SCAPER: variants seen among roughly 807,000 people sequenced by gnomAD.
SCAPER encodes S phase cyclin A-associated protein in the endoplasmic reticulum.
In SCAPER, 98 loss-of-function variants were observed where a neutral mutation model predicts 182.2. The observed-to-expected ratio is 0.54, with a 90% CI of 0.46 to 0.64. The LOEUF is 0.64. Among genes scored for constraint, SCAPER ranks in the 30% least tolerant of loss-of-function variants. SCAPER has a pLI of 0.00. For synonymous variants in SCAPER, 605 were observed against 564.6 expected, an observed-to-expected ratio of 1.07 and a Z score of -1.01; for missense variants, 1,432 against 1,690.0, an observed-to-expected ratio of 0.85 and a Z score of 2.68.
At chr15:76,701,042 A>T (rs2058914050) in intron 20 of SCAPER, among the ~76,000 whole-genome samples, 1 of 151,698 alleles carries the variant, frequency 6.6e-6, no homozygotes, top group Non-Finnish European at 1.5e-5. Context: ...ATATGTAAAA[A>T]TTCATCAGCT....
At chr15:76,697,462 T>C (rs1312237714) in intron 20 of SCAPER, among the ~76,000 whole-genome samples, 1 of 152,230 alleles carries the variant, frequency 6.6e-6, no homozygotes, top group East Asian at 1.9e-4. Context: ...TAGATAATAT[T>C]GCACATTTTT....
intron 22 of SCAPER, among the ~76,000 whole-genome samples, chr15:76,579,039 G>A (rs1423000123): frequency 6.6e-6 from 1 of 152,048 alleles, no homozygotes; most frequent in Non-Finnish European, 1.5e-5. Flanking sequence ...GGCTGAGGCG[G>A]GCAGATCACA....
chr15:76,424,734 A>T (rs1382527440), intron 26 of SCAPER, among the ~76,000 whole-genome samples: 1 of 152,142 alleles, frequency 6.6e-6, no homozygotes, highest in Non-Finnish European at 1.5e-5. Flanking sequence ...ACAATTTGGC[A>T]TGTTTTTGCA....
At chr15:76,369,276 T>G (rs139654708) in intron 29 of SCAPER, among the ~76,000 whole-genome samples, 1 of 152,354 alleles carries the variant, frequency 6.6e-6, no homozygotes, top group East Asian at 1.9e-4. Context: ...TATGATGCCC[T>G]GTGGACAAAT....
At chr15:76,844,987 T>C (rs549706279) in intron 4 of SCAPER, among the ~76,000 whole-genome samples, 1 of 152,172 alleles carries the variant, frequency 6.6e-6, no homozygotes, top group East Asian at 1.9e-4. Context: ...AAACTGAACA[T>C]GTTCAACATT....
rs71143333 is a variant in SCAPER at position 76,488,714 on chromosome 15, C to CTTTT, written c.2954+16141_2954+16144dup. 1.3e-3 allele frequency among the ~76,000 whole-genome samples: 118 copies of CTTTT among 93,122 alleles called. 19 individuals carry two copies. Among genetic ancestry groups the CTTTT allele is most frequent in the African/African-American group, 3.3e-3 (70 of 20,938 alleles). The allele number at this position is 93,122 out of a possible 152,430, so 61.1% of individuals were successfully genotyped here. On this transcript the variant is annotated intron_variant, in intron 24 of 31. Transcript: ENST00000563290. ...TTGCATCCTGATAACAGTACACTGC[C>CTTTT]TTTTTTTTTTTTTTTTTTTTTTTTT...
At chr15:76,691,243 A>T (rs2058341911) in intron 20 of SCAPER, among the ~76,000 whole-genome samples, 2 of 152,076 alleles carry the variant, frequency 1.3e-5, no homozygotes. Context: ...AAAAATTATT[A>T]AAATTAAATT....
At chr15:76,385,861 T>G (rs1236670241) in intron 27 of SCAPER, among the ~76,000 whole-genome samples, 1 of 152,174 alleles carries the variant, frequency 6.6e-6, no homozygotes, top group African/African-American at 2.4e-5. Context: ...GTGTATCAGT[T>G]TCCTATTGCT....
rs745555401 is a variant in SCAPER at position 76,530,373 on chromosome 15, A to T, written c.2839-25399T>A. On this transcript the variant is annotated intron_variant, in intron 23 of 31. Coordinates refer to ENST00000563290, the MANE Select transcript of SCAPER (RefSeq NM_020843.4). ...GATGAATCCAGCTATCAGGCATCCA[A>T]TTTACTTTTTGATTATTGTACCCTT... Among the ~76,000 whole-genome samples the T allele has an allele frequency of 2.6e-5, 4 of 152,252 alleles. No individual in the cohort carries two copies. The South Asian group carries it at 6.2e-4, about 24-fold the overall frequency.
intron 4 of SCAPER, among the ~76,000 whole-genome samples, chr15:76,855,570 T>G (rs1219415293): frequency 6.6e-6 from 1 of 151,206 alleles, no homozygotes; most frequent in Non-Finnish European, 1.5e-5. Context: ...GCAAACAAAT[T>G]TACAAGATAA....
intron 14 of SCAPER, among the ~76,000 whole-genome samples, chr15:76,755,214 T>C (rs1206751630): frequency 2.6e-5 from 4 of 152,172 alleles, no homozygotes; most frequent in South Asian, 2.1e-4. Flanking sequence ...AAAATTAAAA[T>C]AATACATTGA....
At chr15:76,358,043 A>G (rs1007519233) in intron 29 of SCAPER, among the ~76,000 whole-genome samples, 1 of 152,242 alleles carries the variant, frequency 6.6e-6, no homozygotes, top group African/African-American at 2.4e-5. Flanking sequence ...TCACTATTCA[A>G]TATGTCCATG....
chr15:76,730,067 G>T (rs559290752), intron 16 of SCAPER, among the ~76,000 whole-genome samples: 1 of 152,042 alleles, frequency 6.6e-6, no homozygotes, highest in African/African-American at 2.4e-5. Flanking sequence ...TTAATTACAG[G>T]TAAGTTCTCA....
chr15:76,807,994 G>A (rs1467802155), intron 5 of SCAPER, among the ~76,000 whole-genome samples: 1 of 152,068 alleles, frequency 6.6e-6, no homozygotes, highest in Non-Finnish European at 1.5e-5. Context: ...ATTCCCAACA[G>A]AATTTTAGAT....
At chr15:76,377,624 C>T (rs1218400557) in intron 28 of SCAPER, among the ~76,000 whole-genome samples, 2 of 152,192 alleles carry the variant, frequency 1.3e-5, no homozygotes, top group Non-Finnish European at 2.9e-5. Flanking sequence ...TATACAATAT[C>T]CCCAGTCTCA....
chr15:76,798,291 T>C (rs1473506435), intron 7 of SCAPER, among the ~76,000 whole-genome samples: 1 of 143,908 alleles, frequency 6.9e-6, no homozygotes, highest in Non-Finnish European at 1.5e-5. Context: ...ACCCAGGAGG[T>C]AGACATCGCA....
intron 26 of SCAPER, among the ~76,000 whole-genome samples, chr15:76,418,447 G>A (rs1479355725): frequency 6.6e-6 from 1 of 152,226 alleles, no homozygotes; most frequent in Admixed American, 6.5e-5. Context: ...CTGGGAATCT[G>A]TAAACCTGAA....
intron 29 of SCAPER, among the ~76,000 whole-genome samples, chr15:76,372,296 G>A (rs1462660589): frequency 6.6e-6 from 1 of 152,188 alleles, no homozygotes; most frequent in African/African-American, 2.4e-5. Context: ...CAGGGTCTCA[G>A]TCTGTTCCTC....
intron 15 of SCAPER, among the ~76,000 whole-genome samples, chr15:76,747,475 C>A (rs1598488933): frequency 6.6e-6 from 1 of 152,028 alleles, no homozygotes; most frequent in African/African-American, 2.4e-5. Context: ...GCACTCCAGC[C>A]TGGGGACAGA....
Sources: allele counts gnomAD v4.1 joint callset (sites outside exome capture counted in the v4.1 genomes callset), GRCh38; gene constraint gnomAD v4.1.1; transcripts MANE v1.5; gene names NCBI Gene and HGNC (gene_info 2026-07-23, HGNC 2026-07-21).